The following MKLN1 variants were observed in gnomAD, a reference collection of about 807,000 sequenced individuals.
MKLN1 encodes muskelin 1.
MKLN1 carries 18 observed loss-of-function variants against 99.0 expected under a neutral mutation model. The ratio of observed to expected loss-of-function variants is 0.18; its 90% CI spans 0.13 to 0.27. MKLN1 has a LOEUF of 0.27. Among genes scored for constraint, MKLN1 ranks in the 10% least tolerant of loss-of-function variants. MKLN1 has a pLI of 1.00. For missense variants in MKLN1, 621 were observed against 875.9 expected, an observed-to-expected ratio of 0.71 and a Z score of 3.67; for synonymous variants, 288 against 293.2, an observed-to-expected ratio of 0.98 and a Z score of 0.18.
chr7:131,370,952 A>T (rs1793424427), intron 1 of MKLN1, among the ~76,000 whole-genome samples: 1 of 152,092 alleles, frequency 6.6e-6, no homozygotes, highest in South Asian at 2.1e-4. Context: ...GAGTATCTTC[A>T]AGCTTCTATC....
At chr7:131,413,132 G>C (rs1794926301) in intron 7 of MKLN1, among the ~76,000 whole-genome samples, 1 of 152,092 alleles carries the variant, frequency 6.6e-6, no homozygotes, top group Non-Finnish European at 1.5e-5. Flanking sequence ...TATTCTTAAA[G>C]ATGGCGATAC....
At chr7:131,227,526 T>TTTCTTTCTTTCTTTC (rs1197856644) in intron 3 of MKLN1, among the ~76,000 whole-genome samples, 1 of 148,912 alleles carries the variant, frequency 6.7e-6, no homozygotes, top group East Asian at 2.0e-4. Context: ...TCTTTCTTTC[T>TTTCTTTCTTTCTTTC]TTCTTTCTTT....
chr7:131,247,242 T>C lies in MKLN1; in HGVS notation c.-179+44268T>C, dbSNP rs73153426. Among the ~76,000 whole-genome samples the C allele has an allele frequency of 3.1e-4, 26 of 83,788 alleles. 1 individual carries two copies. The highest frequency in any genetic ancestry group is 6.1e-4 in the Non-Finnish European group (21 of 34,572). The allele number at this position is 83,788 out of a possible 152,430, so 55.0% of individuals were successfully genotyped here. A position where few individuals can be genotyped will look rare whatever the true frequency, so the allele number is the denominator to read the frequency against. On this transcript the variant is annotated intron_variant, in intron 3 of 7. Coordinates refer to the MKLN1 transcript ENST00000416992. Reference sequence around the variant, plus strand: ...TTCTTCTTTTTCTTTTTTCTTTTTTTTTTTTTTGTCACCATGGCTGGAGTG... The same window carrying C: ...TTCTTCTTTTTCTTTTTTCTTTTTTCTTTTTTTGTCACCATGGCTGGAGTG...
intron 3 of MKLN1, chr7:131,242,685 G>A (rs1172331142): frequency 6.3e-6 from 4 of 633,138 alleles, no homozygotes; most frequent in Non-Finnish European, 1.2e-5. Flanking sequence ...CATTGATGAT[G>A]GTACCTTAGA....
chr7:131,339,420 G>C (rs1347831488), intron 1 of MKLN1, among the ~76,000 whole-genome samples: 1 of 152,188 alleles, frequency 6.6e-6, no homozygotes, highest in Non-Finnish European at 1.5e-5. Flanking sequence ...GAAATTGAGA[G>C]TTGGTCGGGT....
At chr7:131,440,489 A>G (rs994336015) in intron 10 of MKLN1, among the ~76,000 whole-genome samples, 7 of 152,336 alleles carry the variant, frequency 4.6e-5, no homozygotes, top group African/African-American at 1.4e-4. Context: ...TGAAAAACTA[A>G]AAAGCAATAA....
At chr7:131,120,878 A>G (rs1415702101) in intron 1 of MKLN1, among the ~76,000 whole-genome samples, 1 of 152,186 alleles carries the variant, frequency 6.6e-6, no homozygotes, top group African/African-American at 2.4e-5. Flanking sequence ...TCTGCCCGTT[A>G]CCCAGTTCCA....
At chr7:131,456,536 G>T (rs139571208) in intron 12 of MKLN1, among the ~76,000 whole-genome samples, 279 of 152,218 alleles carry the variant, frequency 1.8e-3, no homozygotes, top group African/African-American at 5.9e-3. Flanking sequence ...TCAGAATTCG[G>T]TGGGCAAACA....
chr7:131,347,041 G>A (rs903045045), intron 1 of MKLN1, among the ~76,000 whole-genome samples: 69 of 152,334 alleles, frequency 4.5e-4, no homozygotes, highest in African/African-American at 1.6e-3. Flanking sequence ...TACAGGACTT[G>A]ATGGGTGGGA....
chr7:131,347,206 A>C (rs1799588729), intron 1 of MKLN1, among the ~76,000 whole-genome samples: 1 of 152,208 alleles, frequency 6.6e-6, no homozygotes, highest in South Asian at 2.1e-4. Context: ...AAATAGAGGA[A>C]AATTTATCTG....
chr7:131,175,064 ATGGATGGATG>A (rs1439939978), intron 2 of MKLN1, among the ~76,000 whole-genome samples: 2 of 151,310 alleles, frequency 1.3e-5, no homozygotes, highest in Non-Finnish European at 2.9e-5. Context: ...GGATGGATGG[ATGGATGGATG>A]GATGGGGAGA....
chr7:131,144,970 T>G (rs1478316423), intron 2 of MKLN1, among the ~76,000 whole-genome samples: 3 of 151,820 alleles, frequency 2.0e-5, no homozygotes, highest in African/African-American at 7.3e-5. Flanking sequence ...GGATTGAAAC[T>G]CCATCCCCCA....
chr7:131,216,050 G>A (rs1017224588), intron 3 of MKLN1, among the ~76,000 whole-genome samples: 5 of 152,088 alleles, frequency 3.3e-5, no homozygotes, highest in African/African-American at 1.2e-4. Context: ...ACCTGGAACC[G>A]AACCGGCCCA....
At chr7:131,476,962 G>A (rs1373487478) in intron 16 of MKLN1, among the ~76,000 whole-genome samples, 3 of 152,110 alleles carry the variant, frequency 2.0e-5, no homozygotes, top group Non-Finnish European at 2.9e-5. Flanking sequence ...TTTGACCAGG[G>A]TACCAAGTCC....
rs570441972 is a variant in MKLN1 at position 131,493,668 on chromosome 7, T to C, written c.*5940T>C. On this transcript the variant is annotated 3_prime_UTR_variant, in exon 18 of 18. Transcript: ENST00000352689. ...TTCTTACATACAACCAGTTCCTTGT[T>C]AAGGATCCAGCAGGAAAACCAGCCA... The C allele has an allele frequency of 6.6e-6, 1 of 152,318 alleles. No homozygotes were observed. The highest frequency in any genetic ancestry group is 2.4e-5 in the African/African-American group (1 of 41,572). The allele number at this position is 152,318 out of a possible 1,614,324, so 9.4% of individuals were successfully genotyped here. A position where few individuals can be genotyped will look rare whatever the true frequency, so the allele number is the denominator to read the frequency against.
At chr7:131,169,178 G>A (rs778694204) in intron 2 of MKLN1, among the ~76,000 whole-genome samples, 17 of 152,122 alleles carry the variant, frequency 1.1e-4, no homozygotes, top group South Asian at 2.1e-4. Context: ...CACCGTGTCT[G>A]GCTGAAACCC....
At chr7:131,188,291 A>G (rs966904759) in intron 2 of MKLN1, among the ~76,000 whole-genome samples, 1 of 152,266 alleles carries the variant, frequency 6.6e-6, no homozygotes, top group Non-Finnish European at 1.5e-5. Flanking sequence ...CTGTTACTTC[A>G]TAACAAACCA....
chr7:131,414,616 T>A, intron 7 of MKLN1, 29 bp from the exon 8 acceptor site: 1 of 1,523,522 alleles, frequency 6.6e-7, no homozygotes, highest in East Asian at 2.3e-5. Flanking sequence ...TTGTTATTCC[T>A]TTAAAAGAAA....
intron 3 of MKLN1, among the ~76,000 whole-genome samples, chr7:131,277,257 T>C (rs1797987673): frequency 1.3e-5 from 2 of 152,032 alleles, no homozygotes; most frequent in Non-Finnish European, 2.9e-5. Flanking sequence ...ATCTGTATTG[T>C]AAACTATAGT....
Sources: gnomAD v4.1 joint callset for allele counts (sites outside exome capture counted in the v4.1 genomes callset) on GRCh38, gnomAD v4.1.1 for gene constraint, MANE v1.5 for transcripts, NCBI Gene and HGNC (gene_info 2026-07-23, HGNC 2026-07-21) for gene names.